MEAF6: variants seen among roughly 807,000 people sequenced by gnomAD.
MEAF6 encodes chromatin modification-related protein MEAF6.
MEAF6 carries 15 observed loss-of-function variants against 28.9 expected under a neutral mutation model. That is an observed-to-expected ratio of 0.52 (90% CI 0.35 to 0.80). The LOEUF is 0.80. Among genes scored for constraint, MEAF6 ranks in the 30% least tolerant of loss-of-function variants. MEAF6 has a pLI of 0.01. For missense variants in MEAF6, 178 were observed against 237.5 expected (o/e 0.75, Z 1.65); for synonymous variants, 97 against 88.7 (o/e 1.09, Z -0.53).
At chr1:37,494,973 T>C (rs1642067553) in intron 6 of MEAF6, among the ~76,000 whole-genome samples, 1 of 149,986 alleles carries the variant, frequency 6.7e-6, no homozygotes, top group Non-Finnish European at 1.5e-5. Context: ...AATTCACCAG[T>C]CCAAAAAAAA....
rs1424596504 is a variant in MEAF6 at position 37,501,751 on chromosome 1, C to T, written c.533+53G>A. Reference sequence around the variant, plus strand: ...TAAAGAGTTTTTATTCTAGGCAATTCCCTTCACAGCAATGGTCATGGGAGC... The same window carrying T: ...TAAAGAGTTTTTATTCTAGGCAATTTCCTTCACAGCAATGGTCATGGGAGC... On this transcript the variant is annotated intron_variant, in intron 5 of 6. Transcript: ENST00000296214. 1.1e-5 allele frequency: 16 copies of T among 1,430,858 alleles called. No homozygotes were observed. In the Admixed American group the frequency reaches 3.2e-4, roughly 29 times the overall value. The allele number at this position is 1,430,858 out of a possible 1,614,324, so 88.6% of individuals were successfully genotyped here.
chr1:37,493,738 A>G lies in MEAF6; in HGVS notation c.*361T>C. On this transcript the variant is annotated 3_prime_UTR_variant, in exon 7 of 7. Transcript: ENST00000296214. The stretch of plus-strand genomic sequence containing the variant: ...GACTTGTGTTCTACTTTCAGCATAA[A>G]ACAAAACCAGAGAACATTTCTTGAA... 6.6e-7 allele frequency: 1 copy of G among 1,520,248 alleles called. No individual in the cohort carries two copies. Among genetic ancestry groups the G allele is most frequent in the Non-Finnish European group, 8.9e-7 (1 of 1,120,218 alleles). 94.2% of individuals were successfully genotyped at this position (1,520,248 alleles called of 1,614,324 possible). A position where few individuals can be genotyped will look rare whatever the true frequency, so the allele number is the denominator to read the frequency against.
intron 5 of MEAF6, among the ~76,000 whole-genome samples, chr1:37,497,985 T>C (rs1456768174): frequency 6.6e-6 from 1 of 152,198 alleles, no homozygotes; most frequent in Non-Finnish European, 1.5e-5. Flanking sequence ...GGAGACCATT[T>C]TGTGCCATCA....
At chr1:37,500,723 C>T (rs1449093950) in intron 5 of MEAF6, among the ~76,000 whole-genome samples, 1 of 152,202 alleles carries the variant, frequency 6.6e-6, no homozygotes, top group African/African-American at 2.4e-5. Flanking sequence ...TACCCCCAGG[C>T]ACTGTCATAT....
chr1:37,513,510 A>T lies in MEAF6; in HGVS notation c.119T>A (p.Ile40Asn). The part of the protein sequence containing the change: ...AETLANLERQ[I>N]YAFEGSYLED... ...CAGGTAGCTTCCCTCAAAAGCATAGATCTGTCGCTCCAAATTTGCCAATGT... is the reference window on the plus strand; with the variant it reads ...CAGGTAGCTTCCCTCAAAAGCATAGTTCTGTCGCTCCAAATTTGCCAATGT... The change falls in exon 2 of 7, where the codon ATC (isoleucine) becomes AAC (asparagine). Residue 40 changes from isoleucine (I) to asparagine (N), a missense_variant. This residue lies in a region of MEAF6 where 124 missense variants were observed against 200.5 expected (regional missense o/e 0.62). Transcript: ENST00000296214. The T allele has an allele frequency of 1.2e-6, 2 of 1,614,204 alleles. No homozygotes were observed. The highest frequency in any genetic ancestry group is 1.7e-6 in the Non-Finnish European group (2 of 1,180,012).
rs534186812 is a variant in MEAF6 at position 37,513,948 on chromosome 1, G to A, written c.91-410C>T. On this transcript the variant is annotated intron_variant, in intron 1 of 6. Transcript: ENST00000296214. The stretch of plus-strand genomic sequence containing the variant: ...CGCTCCCCTCCCCGCAGGCTCAAGA[G>A]AGGCCGCCGACACCGGGCTGCCAGT... 4.6e-5 allele frequency: 10 copies of A among 218,712 alleles called. No individual in the cohort carries two copies. In the East Asian group the frequency reaches 8.9e-4, roughly 20 times the overall value. The allele number at this position is 218,712 out of a possible 1,614,324, so 13.5% of individuals were successfully genotyped here.
intron 6 of MEAF6, among the ~76,000 whole-genome samples, 169 bp downstream of exon 6, chr1:37,495,716 A>AAAAAAAAC: frequency 1.5e-5 from 2 of 129,708 alleles, no homozygotes; most frequent in South Asian, 4.6e-4. Flanking sequence ...AAAAAAAAAA[A>AAAAAAAAC]AAACAAAAAA....
intron 5 of MEAF6, chr1:37,500,893 CG>C (rs1642279246): frequency 6.5e-6 from 1 of 154,070 alleles, no homozygotes; most frequent in African/African-American, 2.4e-5. Context: ...AGGAGTAGAA[CG>C]AATGTACAGT....
At chr1:37,495,534 C>CA (rs1642090672) in intron 6 of MEAF6, among the ~76,000 whole-genome samples, 1 of 150,590 alleles carries the variant, frequency 6.6e-6, no homozygotes, top group African/African-American at 2.4e-5. Context: ...CCCATATCTA[C>CA]AAAAAATACA....
intron 5 of MEAF6, among the ~76,000 whole-genome samples, chr1:37,500,674 A>T (rs185272876): frequency 7.2e-5 from 11 of 152,340 alleles, no homozygotes; most frequent in African/African-American, 2.6e-4. Context: ...AGCTGACGCC[A>T]ATCAAGGAGG....
At chr1:37,509,419 A>G in intron 3 of MEAF6, 36 bp downstream of exon 3, 1 of 1,609,294 alleles carries the variant, frequency 6.2e-7, no homozygotes, top group East Asian at 2.2e-5. Flanking sequence ...CCCCAACAAC[A>G]GGCCAAAGAA....
At position 37,501,790 on chromosome 1, in the gene MEAF6, T is replaced by A. The variant is rs199836551; in HGVS notation, c.533+14A>T. The A allele has an allele frequency of 3.2e-6, 5 of 1,548,062 alleles. No homozygotes were observed. In the East Asian group the frequency reaches 1.1e-4, roughly 35 times the overall value. On this transcript the variant is annotated intron_variant, in intron 5 of 6. Transcript: ENST00000296214. ...GGTCATGGGAGCTGCGGGGGTGGGA[T>A]CCCTGCCACTGACCTGTGCCGGTTT...
intron 2 of MEAF6, 108 bp downstream of exon 2, chr1:37,513,315 A>T: frequency 1.3e-6 from 1 of 760,710 alleles, no homozygotes; most frequent in Non-Finnish European, 2.3e-6. Flanking sequence ...TCCAGATCAC[A>T]CCACTACTTT....
At chr1:37,505,404 T>C (rs1457240187) in intron 4 of MEAF6, among the ~76,000 whole-genome samples, 2 of 152,188 alleles carry the variant, frequency 1.3e-5, no homozygotes, top group African/African-American at 2.4e-5. Flanking sequence ...CCAAGGCCCA[T>C]GGGCCGCAAG....
intron 4 of MEAF6, among the ~76,000 whole-genome samples, chr1:37,503,705 T>C (rs981683573): frequency 6.7e-6 from 1 of 148,954 alleles, no homozygotes; most frequent in Non-Finnish European, 1.5e-5. Context: ...GGCTCATGCC[T>C]GTAATCCCAG....
At chr1:37,512,575 T>TGGC (rs1246665156) in intron 2 of MEAF6, among the ~76,000 whole-genome samples, 2 of 152,212 alleles carry the variant, frequency 1.3e-5, no homozygotes, top group African/African-American at 4.8e-5. Flanking sequence ...GTGGTACAGC[T>TGGC]GGCACACAGG....
intron 5 of MEAF6, 45 bp from the exon 6 acceptor site, chr1:37,495,963 A>C: frequency 6.4e-7 from 1 of 1,558,080 alleles, no homozygotes. Flanking sequence ...AATTTACAGA[A>C]AATGGGTCCC....
intron 5 of MEAF6, among the ~76,000 whole-genome samples, chr1:37,499,777 G>A (rs956752311): frequency 2.0e-5 from 3 of 152,206 alleles, no homozygotes; most frequent in Non-Finnish European, 4.4e-5. Context: ...ATAGGAAGAA[G>A]TATTGTTCCT....
intron 5 of MEAF6, among the ~76,000 whole-genome samples, chr1:37,499,223 T>G (rs1642217750): frequency 6.6e-6 from 1 of 152,198 alleles, no homozygotes; most frequent in African/African-American, 2.4e-5. Flanking sequence ...GTGCCATATT[T>G]ATTTCCACCT....
Sources: allele counts gnomAD v4.1 joint callset (sites outside exome capture counted in the v4.1 genomes callset), GRCh38; gene constraint gnomAD v4.1.1; regional missense constraint gnomAD v4.1.1; transcripts MANE v1.5; gene names NCBI Gene and HGNC (gene_info 2026-07-23, HGNC 2026-07-21).